Variants in SUGCT observed in about 807,000 individuals in gnomAD.
SUGCT encodes succinyl-CoA:glutarate CoA-transferase.
SUGCT carries 41 observed loss-of-function variants against 55.0 expected under a neutral mutation model. The ratio of observed to expected loss-of-function variants is 0.74; its 90% CI spans 0.58 to 0.97. SUGCT has a LOEUF of 0.97. Ranked by LOEUF, SUGCT falls within the 50% of genes least tolerant of loss-of-function variation. The pLI is 0.00. For synonymous variants in SUGCT, 187 were observed against 200.4 expected (o/e 0.93, Z 0.56); for missense variants, 568 against 547.8 (o/e 1.04, Z -0.37).
chr7:40,194,587 T>C (rs1166840274), intron 5 of SUGCT, among the ~76,000 whole-genome samples: 1 of 152,208 alleles, frequency 6.6e-6, no homozygotes, highest in Non-Finnish European at 1.5e-5. Context: ...CTTGTAAAGG[T>C]TTAAAAAATG....
chr7:40,288,621 T>A (rs1254003277), intron 8 of SUGCT, among the ~76,000 whole-genome samples: 1 of 152,096 alleles, frequency 6.6e-6, no homozygotes, highest in East Asian at 1.9e-4. Flanking sequence ...TTCATCTTTT[T>A]TGAGTGTGCT....
the SUGCT span, among the ~76,000 whole-genome samples, chr7:40,977,328 TGAAGGGACAG>T: frequency 2.0e-5 from 3 of 152,226 alleles, no homozygotes; most frequent in Non-Finnish European, 4.4e-5. Flanking sequence ...GCGACAAGGT[TGAAGGGACAG>T]GACAGAGCTC....
At chr7:40,222,928 A>G (rs1788098061) in intron 6 of SUGCT, among the ~76,000 whole-genome samples, 1 of 151,998 alleles carries the variant, frequency 6.6e-6, no homozygotes, top group Non-Finnish European at 1.5e-5. Flanking sequence ...ATGCCTGGCC[A>G]GCACTTTCTT....
chr7:41,007,641 A>G, the SUGCT span, among the ~76,000 whole-genome samples: 1 of 152,158 alleles, frequency 6.6e-6, no homozygotes, highest in South Asian at 2.1e-4. Context: ...CTTTTGGTGA[A>G]AGATTTAATG....
chr7:40,971,190 G>C, the SUGCT span, among the ~76,000 whole-genome samples: 1 of 152,162 alleles, frequency 6.6e-6, no homozygotes, highest in Admixed American at 6.5e-5. Context: ...CATGGCAAGA[G>C]CGGGAGCAAG....
intron 7 of SUGCT, among the ~76,000 whole-genome samples, chr7:40,251,454 T>C (rs1790397356): frequency 6.6e-6 from 1 of 152,170 alleles, no homozygotes; most frequent in African/African-American, 2.4e-5. Flanking sequence ...TGGGATGAGG[T>C]TGAAGAGAAC....
At chr7:40,594,530 C>T (rs1378864376) in intron 12 of SUGCT, among the ~76,000 whole-genome samples, 1 of 152,084 alleles carries the variant, frequency 6.6e-6, no homozygotes, top group Non-Finnish European at 1.5e-5. Flanking sequence ...CTCACTTGGG[C>T]AAGTTAATTA....
chr7:40,558,783 T>G (rs574505616), intron 12 of SUGCT, among the ~76,000 whole-genome samples: 1 of 152,346 alleles, frequency 6.6e-6, no homozygotes, highest in South Asian at 2.1e-4. Flanking sequence ...TATGTATACT[T>G]TACCACAGTT....
chr7:41,020,085 G>A, the SUGCT span, among the ~76,000 whole-genome samples: 118 of 152,292 alleles, frequency 7.7e-4, no homozygotes, highest in Non-Finnish European at 1.4e-3. Context: ...CAATTGTCAA[G>A]GGGATTGAAT....
intron 12 of SUGCT, among the ~76,000 whole-genome samples, chr7:40,659,540 G>A (rs953148105): frequency 6.6e-6 from 1 of 152,200 alleles, no homozygotes; most frequent in Admixed American, 6.5e-5. Flanking sequence ...TGTCACTTCT[G>A]TCCTGTTCTA....
intron 6 of SUGCT, among the ~76,000 whole-genome samples, chr7:40,223,951 T>C (rs2150834711): frequency 6.6e-6 from 1 of 152,330 alleles, no homozygotes; most frequent in Admixed American, 6.5e-5. Flanking sequence ...TCTGTGTTCT[T>C]TGCCTAAAAT....
At chr7:40,863,590 T>C (rs978333459), downstream of SUGCT, among the ~76,000 whole-genome samples, 1 of 152,190 alleles carries the variant, frequency 6.6e-6, no homozygotes, top group African/African-American at 2.4e-5. Flanking sequence ...CTGCTCACCA[T>C]TGACTCTCAA....
At chr7:40,830,660 G>A (rs1051787623) in intron 13 of SUGCT, among the ~76,000 whole-genome samples, 10 of 152,084 alleles carry the variant, frequency 6.6e-5, no homozygotes, top group African/African-American at 1.4e-4. Flanking sequence ...CTAAGGTGGC[G>A]CCAGGCCTAT....
At chr7:40,908,035 C>T in the SUGCT span, among the ~76,000 whole-genome samples, 2 of 151,630 alleles carry the variant, frequency 1.3e-5, no homozygotes, top group African/African-American at 4.8e-5. Flanking sequence ...TCACATCCAA[C>T]CTCAACCTAA....
chr7:40,687,813 A>G (rs1784532422), intron 12 of SUGCT, among the ~76,000 whole-genome samples: 1 of 152,094 alleles, frequency 6.6e-6, no homozygotes, highest in South Asian at 2.1e-4. Flanking sequence ...CAAGCTTCTT[A>G]GGAACTCCTT....
intron 12 of SUGCT, among the ~76,000 whole-genome samples, chr7:40,711,321 C>G (rs1194236129): frequency 6.6e-6 from 1 of 152,074 alleles, no homozygotes; most frequent in Admixed American, 6.6e-5. Flanking sequence ...ACCTGCCTGG[C>G]CAATATGGTG....
intron 12 of SUGCT, among the ~76,000 whole-genome samples, chr7:40,539,842 A>T (rs1199812773): frequency 6.6e-6 from 1 of 152,238 alleles, no homozygotes; most frequent in African/African-American, 2.4e-5. Flanking sequence ...AGTAGTAACC[A>T]AGGTGCTATC....
At chr7:41,004,865 C>A in the SUGCT span, among the ~76,000 whole-genome samples, 13 of 152,130 alleles carry the variant, frequency 8.5e-5, no homozygotes, top group African/African-American at 3.1e-4. Flanking sequence ...CTGATCCCTT[C>A]CCCTGGGAAG....
At chr7:40,847,406 TCTTTC>T (rs1793614405) in intron 13 of SUGCT, among the ~76,000 whole-genome samples, 2 of 128,256 alleles carry the variant, frequency 1.6e-5, no homozygotes, top group Non-Finnish European at 3.3e-5. Flanking sequence ...TTCTTTTCTT[TCTTTC>T]TTTTTTTTTT....
Sources: gnomAD v4.1 joint callset for allele counts (sites outside exome capture counted in the v4.1 genomes callset) on GRCh38, gnomAD v4.1.1 for gene constraint, MANE v1.5 for transcripts, NCBI Gene and HGNC (gene_info 2026-07-23, HGNC 2026-07-21) for gene names.